Variants in MYO18B observed in about 807,000 individuals in gnomAD.
MYO18B encodes the protein myosin XVIIIB.
In MYO18B, 204 loss-of-function variants were observed where a neutral mutation model predicts 273.0. That is an observed-to-expected ratio of 0.75 (90% CI 0.67 to 0.84). The LOEUF is 0.84. Among genes scored for constraint, MYO18B ranks in the 40% least tolerant of loss-of-function variants. The pLI is 0.00. For missense variants in MYO18B, 3,212 were observed against 3,287.6 expected (o/e 0.98, Z 0.56); for synonymous variants, 1,330 against 1,305.7 (o/e 1.02, Z -0.40).
At chr22:25,899,640 GATTT>G (rs1475279297) in intron 29 of MYO18B, 1 of 152,184 alleles carries the variant, frequency 6.6e-6, no homozygotes, top group East Asian at 1.9e-4. Flanking sequence ...AAATAAGAAA[GATTT>G]ATTTTTTGTT....
chr22:25,952,864 C>T (rs1273809765), intron 38 of MYO18B, among the ~76,000 whole-genome samples: 1 of 152,178 alleles, frequency 6.6e-6, no homozygotes, highest in African/African-American at 2.4e-5. Context: ...TATTTTGCAC[C>T]CAGTGTGGGC....
rs373617251 is a variant in MYO18B, at chr22:25,874,368, C to T, written c.4034C>T (p.Ala1345Val). Residue 1345 changes from alanine (A) to valine (V), a missense_variant, in exon 23 of 44, where the codon GCG becomes GTG. By Grantham distance (64) the Ala-to-Val change is moderately conservative. Coordinates refer to ENST00000335473, the MANE Select transcript of MYO18B (RefSeq NM_032608.7). ...LVSQSIVLFQ[A>V]ACKGFLSRQE... The stretch of plus-strand genomic sequence containing the variant: ...TCTCAGAGCATCGTTCTCTTCCAGG[C>T]GGCTTGCAAGGGCTTTCTGTCTCGC... 1.1e-5 allele frequency: 18 copies of T among 1,613,848 alleles called. No individual in the cohort carries two copies. The highest frequency in any genetic ancestry group is 9.3e-5 in the African/African-American group (7 of 74,920).
At chr22:25,847,849 T>C (rs1408335331) in intron 20 of MYO18B, among the ~76,000 whole-genome samples, 197 bp downstream of exon 20, 1 of 151,848 alleles carries the variant, frequency 6.6e-6, no homozygotes, top group Non-Finnish European at 1.5e-5. Flanking sequence ...ATGGTCACAT[T>C]GCCTGGACGT....
At chr22:26,031,365 C>A (rs1936662690), downstream of MYO18B, among the ~76,000 whole-genome samples, 1 of 152,132 alleles carries the variant, frequency 6.6e-6, no homozygotes, top group African/African-American at 2.4e-5. Context: ...GGGTTGAAGT[C>A]CAGATTCAAG....
chr22:25,796,419 T>TA (rs746907645), intron 11 of MYO18B, among the ~76,000 whole-genome samples: 5 of 150,924 alleles, frequency 3.3e-5, no homozygotes, highest in South Asian at 2.1e-4. Context: ...ACCCCATCTG[T>TA]AAAAAAAATG....
chr22:25,967,534 G>A (rs1481344170), intron 39 of MYO18B, among the ~76,000 whole-genome samples: 2 of 152,188 alleles, frequency 1.3e-5, no homozygotes, highest in Non-Finnish European at 2.9e-5. Context: ...AAGAAAGGGA[G>A]AGGGGATCTC....
At chr22:25,944,091 G>C (rs1382067769) in intron 34 of MYO18B, among the ~76,000 whole-genome samples, 1 of 152,168 alleles carries the variant, frequency 6.6e-6, no homozygotes, top group Non-Finnish European at 1.5e-5. Context: ...TCTCAAAAGA[G>C]GGGCTGGTTT....
intron 29 of MYO18B, 57 bp from the exon 30 acceptor site, chr22:25,902,556 A>G: frequency 6.4e-7 from 1 of 1,559,676 alleles, no homozygotes; most frequent in Non-Finnish European, 8.7e-7. Flanking sequence ...CCCCTGCCTC[A>G]ATCACTCCCC....
intron 11 of MYO18B, among the ~76,000 whole-genome samples, chr22:25,791,443 A>G (rs1027779476): frequency 2.0e-5 from 3 of 152,232 alleles, no homozygotes; most frequent in Non-Finnish European, 4.4e-5. Context: ...GGTGACTGCC[A>G]GTTTCTCCTC....
chr22:25,790,084 C>T (rs1053051772), intron 11 of MYO18B, among the ~76,000 whole-genome samples: 4 of 152,120 alleles, frequency 2.6e-5, no homozygotes, highest in African/African-American at 7.2e-5. Context: ...ATCCAGGAGG[C>T]GGAGGTTGCA....
chr22:25,960,834 T>C (rs1175489819), intron 39 of MYO18B, among the ~76,000 whole-genome samples: 1 of 152,186 alleles, frequency 6.6e-6, no homozygotes, highest in East Asian at 1.9e-4. Flanking sequence ...CATAGCTTAC[T>C]GTGTTATTTC....
chr22:26,045,882 T>G, the MYO18B span, among the ~76,000 whole-genome samples: 1 of 152,206 alleles, frequency 6.6e-6, no homozygotes, highest in South Asian at 2.1e-4. Context: ...TGTATACCAC[T>G]GGGCTTCTGT....
intron 29 of MYO18B, chr22:25,900,593 G>C (rs2091912824): frequency 6.6e-6 from 1 of 152,332 alleles, no homozygotes; most frequent in Non-Finnish European, 1.5e-5. Flanking sequence ...TTCCGGGTAA[G>C]CCCTGTGCTA....
At chr22:25,954,575 T>C (rs1424280612) in intron 38 of MYO18B, among the ~76,000 whole-genome samples, 1 of 152,170 alleles carries the variant, frequency 6.6e-6, no homozygotes, top group African/African-American at 2.4e-5. Flanking sequence ...CATCCCTGTC[T>C]CTCAGAGGGC....
rs377380033 is a variant in MYO18B at position 25,908,326 on chromosome 22, G to A, written c.5153G>A (p.Arg1718His). 1.3e-5 allele frequency: 21 copies of A among 1,579,284 alleles called. No homozygotes were observed. The highest frequency in any genetic ancestry group is 7.0e-5 in the East Asian group (3 of 42,910). ...CTGTCCTTGCTGCCCCCGCAGCTCC[G>A]CCAGCGGTTTGAGCTGGAGATCGAG... ...ENTIKQLEQL[R>H]QRFELEIERM... The change falls in exon 32 of 44, where the codon CGC becomes CAC. Residue 1718 changes from arginine to histidine, a missense_variant. By Grantham distance (29) the Arg-to-His change is conservative. Transcript: ENST00000335473.
rs920769241 is a variant in MYO18B, at chr22:25,883,100, T to C, written c.4314+5052T>C. Among the ~76,000 whole-genome samples, 7 of 152,100 alleles carry C rather than the reference T, an allele frequency of 4.6e-5. No individual in the cohort carries two copies. Among genetic ancestry groups the C allele is most frequent in the Non-Finnish European group, 5.9e-5 (4 of 68,012 alleles). On this transcript the variant is annotated intron_variant, in intron 25 of 43. Transcript: ENST00000335473. This position sits in a 1 kb window ranked among gnomAD's most constrained non-coding sequence, Gnocchi z 7.6. ...TTTGGTAGAGATGGGGGTCTCACTT[T>C]GTTGCCCAGGTTGGTCTCCAATTCC...
At chr22:26,054,261 A>G in the MYO18B span, among the ~76,000 whole-genome samples, 1 of 152,118 alleles carries the variant, frequency 6.6e-6, no homozygotes, top group Non-Finnish European at 1.5e-5. Flanking sequence ...TTCTTATTCC[A>G]TAATCCTTGC....
intron 34 of MYO18B, among the ~76,000 whole-genome samples, chr22:25,936,452 A>T (rs2092579559): frequency 6.6e-6 from 1 of 152,158 alleles, no homozygotes; most frequent in Non-Finnish European, 1.5e-5. Flanking sequence ...TTACAGGAAA[A>T]AGCTGTGGAC....
intron 34 of MYO18B, among the ~76,000 whole-genome samples, chr22:25,930,434 G>A (rs1443412617): frequency 1.3e-5 from 2 of 151,524 alleles, no homozygotes; most frequent in African/African-American, 4.9e-5. Flanking sequence ...AGGTACCTGG[G>A]AATTTAACCT....
Sources: allele counts gnomAD v4.1 joint callset (sites outside exome capture counted in the v4.1 genomes callset), GRCh38; gene constraint gnomAD v4.1.1; non-coding constraint Gnocchi (gnomAD v3.1); transcripts MANE v1.5; gene names NCBI Gene and HGNC (gene_info 2026-07-23, HGNC 2026-07-21).